Variants in UNC13A observed in about 807,000 individuals in gnomAD.
UNC13A encodes the protein unc-13 homolog A.
UNC13A carries 61 observed loss-of-function variants against 219.7 expected under a neutral mutation model. The observed-to-expected ratio is 0.28, with a 90% CI of 0.23 to 0.34. The LOEUF (loss-of-function observed/expected upper bound fraction) is 0.34. Ranked by LOEUF, UNC13A falls within the 10% of genes least tolerant of loss-of-function variation. The pLI is 1.00. For missense variants in UNC13A, 1,476 were observed against 2,270.3 expected, an observed-to-expected ratio of 0.65 and a Z score of 7.11; for synonymous variants, 920 against 884.6, an observed-to-expected ratio of 1.04 and a Z score of -0.71.
Position 17,645,906 on chromosome 19 carries a change from G to T in UNC13A, c.2187-63C>A, listed in dbSNP as rs949954087. ...AGCCAGTGTGAGTCCTGTCCTTGGAGCCCTCTTTTGGCTGCCCCAGCAGGA... is the reference window on the plus strand; with the variant it reads ...AGCCAGTGTGAGTCCTGTCCTTGGATCCCTCTTTTGGCTGCCCCAGCAGGA... On this transcript the variant is annotated intron_variant, in intron 18 of 43. Transcript: ENST00000519716. 4 of 1,594,538 alleles carry T rather than the reference G, an allele frequency of 2.5e-6. No individual in the cohort carries two copies. In the African/African-American group the frequency reaches 5.4e-5, roughly 21 times the overall value.
At chr19:17,648,340 C>T (rs1445557155) in intron 16 of UNC13A, 91 bp downstream of exon 16, 23 of 1,287,936 alleles carry the variant, frequency 1.8e-5, no homozygotes, top group Admixed American at 6.1e-5. Context: ...GGTGCCCCAC[C>T]CATCGCCTTG....
At chr19:17,639,006 G>T in intron 25 of UNC13A, 77 bp downstream of exon 25, 1 of 1,450,370 alleles carries the variant, frequency 6.9e-7, no homozygotes, top group South Asian at 1.6e-5. Flanking sequence ...TAAATCCCTC[G>T]GGAAGGGGCA....
At chr19:17,641,342 C>T in intron 21 of UNC13A, 51 bp downstream of exon 21, 4 of 1,595,158 alleles carry the variant, frequency 2.5e-6, no homozygotes, top group Non-Finnish European at 3.4e-6. Context: ...CCTGCCAGTG[C>T]CCACTTGGTG....
chr19:17,657,266 C>T (rs1028615606), intron 9 of UNC13A, among the ~76,000 whole-genome samples: 4 of 152,178 alleles, frequency 2.6e-5, no homozygotes, highest in African/African-American at 4.8e-5. Flanking sequence ...ATTCCGGCCA[C>T]GCTGGCCACC....
chr19:17,660,054 C>A (rs2079524969), intron 8 of UNC13A, among the ~76,000 whole-genome samples: 1 of 152,120 alleles, frequency 6.6e-6, no homozygotes, highest in Non-Finnish European at 1.5e-5. Flanking sequence ...CACCACCACA[C>A]CCAGCTAATT....
At chr19:17,634,949 C>A (rs2076897595) in intron 26 of UNC13A, among the ~76,000 whole-genome samples, 1 of 152,124 alleles carries the variant, frequency 6.6e-6, no homozygotes, top group Admixed American at 6.5e-5. Context: ...CGGCTCACTG[C>A]AAGCTCCACC....
intron 40 of UNC13A, 53 bp from the exon 41 acceptor site, chr19:17,617,902 C>G: frequency 6.2e-7 from 1 of 1,605,548 alleles, no homozygotes. Context: ...TCTACCCACT[C>G]ATAGGGCTGG....
At position 17,688,348 on chromosome 19, in the gene UNC13A, C is replaced by CGG. The variant is rs2080155678; in HGVS notation, c.-151_-150dup. ...GCCACCGGCCATCTTGGTTCAGCAC[C>CGG]GGGGGCGCGGACAGCGCCTGACGTG... is the stretch of plus-strand genomic sequence containing the variant. On this transcript the variant is annotated 5_prime_UTR_variant, in exon 1 of 44. Coordinates refer to ENST00000519716, the MANE Select transcript of UNC13A (RefSeq NM_001080421.3). The CGG allele has an allele frequency of 3.4e-6, 4 of 1,168,062 alleles. No homozygotes were observed. The highest frequency in any genetic ancestry group is 5.2e-5 in the Admixed American group (1 of 19,182). 72.4% of individuals were successfully genotyped at this position (1,168,062 alleles called of 1,614,324 possible). A position where few individuals can be genotyped will look rare whatever the true frequency, so the allele number is the denominator to read the frequency against.
Position 17,645,586 on chromosome 19 carries a change from A to C in UNC13A, c.2356+88T>G, listed in dbSNP as rs1175110061. On this transcript the variant is annotated intron_variant, in intron 19 of 43. Coordinates refer to ENST00000519716, the MANE Select transcript of UNC13A (RefSeq NM_001080421.3). ...CTCCTCGACCAAACTCCTCCTGAGA[A>C]CACATCTCTCTGCTCTTCGTGGGCT... The C allele has an allele frequency of 5.8e-6, 9 of 1,559,752 alleles. No homozygotes were observed. In the East Asian group the frequency reaches 2.0e-4, roughly 35 times the overall value.
chr19:17,621,954 G>T (rs1252765936), intron 36 of UNC13A, 84 bp from the exon 37 acceptor site: 2 of 1,400,582 alleles, frequency 1.4e-6, no homozygotes, highest in Non-Finnish European at 2.0e-6. Context: ...TATTCATGGG[G>T]ATGGGGGAAT....
At chr19:17,631,536 G>C (rs1284877582) in intron 28 of UNC13A, among the ~76,000 whole-genome samples, 1 of 151,728 alleles carries the variant, frequency 6.6e-6, no homozygotes, top group Admixed American at 6.6e-5. Context: ...CAGAGCTTTC[G>C]TTTCTTGTAC....
At chr19:17,662,975 G>GCTTGC (rs1485379375) in intron 8 of UNC13A, among the ~76,000 whole-genome samples, 2 of 151,866 alleles carry the variant, frequency 1.3e-5, no homozygotes, top group Non-Finnish European at 2.9e-5. Context: ...GGAGGGGGTG[G>GCTTGC]CTTGCCTTAT....
chr19:17,686,311 C>CA (rs1568278813), intron 1 of UNC13A, among the ~76,000 whole-genome samples: 1 of 108,786 alleles, frequency 9.2e-6, no homozygotes, highest in Non-Finnish European at 2.1e-5. Flanking sequence ...CCCCCCCCCC[C>CA]CCCCCCACTC....
intron 25 of UNC13A, among the ~76,000 whole-genome samples, chr19:17,637,167 G>T (rs2076920569): frequency 6.6e-6 from 1 of 151,864 alleles, no homozygotes; most frequent in Non-Finnish European, 1.5e-5. Flanking sequence ...CAAAGATAGG[G>T]TCTCGCTATG....
In UNC13A at chr19:17,627,963, G is replaced by A. The variant is rs1435530330; in HGVS notation, c.3754-23C>T. On this transcript the variant is annotated intron_variant, in intron 31 of 43. Coordinates refer to ENST00000519716, the MANE Select transcript of UNC13A (RefSeq NM_001080421.3). This position sits in a 1 kb window ranked among gnomAD's most constrained non-coding sequence, Gnocchi z 4.7. The stretch of plus-strand genomic sequence containing the variant: ...GGGCTGTGGGTGGGAACAGAGAGGG[G>A]AGTCAAGCCTCAGGACCTCTCCCCA... The A allele has an allele frequency of 1.9e-6, 3 of 1,573,980 alleles. No homozygotes were observed. Among genetic ancestry groups the A allele is most frequent in the African/African-American group, 2.7e-5 (2 of 74,176 alleles).
chr19:17,609,853 G>A, intron 43 of UNC13A, 87 bp downstream of exon 43: 1 of 1,575,176 alleles, frequency 6.3e-7, no homozygotes, highest in Non-Finnish European at 8.6e-7. Flanking sequence ...CCAGATTCCA[G>A]ATACCTCCTG....
intron 9 of UNC13A, among the ~76,000 whole-genome samples, chr19:17,657,617 T>A (rs2079480706): frequency 6.6e-6 from 1 of 152,230 alleles, no homozygotes; most frequent in African/African-American, 2.4e-5. Context: ...CCTGAGACCC[T>A]CTTCCCTGGC....
intron 12 of UNC13A, among the ~76,000 whole-genome samples, chr19:17,651,463 C>T (rs552547704): frequency 3.7e-4 from 56 of 152,218 alleles, no homozygotes; most frequent in African/African-American, 1.2e-3. Flanking sequence ...TGACGTCAGG[C>T]GATCCACCTG....
intron 12 of UNC13A, among the ~76,000 whole-genome samples, chr19:17,650,888 T>C (rs963782076): frequency 3.3e-5 from 5 of 150,304 alleles, no homozygotes. Flanking sequence ...CACCTTAGCC[T>C]CCTGAGTAGC....
Sources: gnomAD v4.1 joint callset for allele counts (sites outside exome capture counted in the v4.1 genomes callset) on GRCh38, gnomAD v4.1.1 for gene constraint, Gnocchi (gnomAD v3.1) non-coding constraint, MANE v1.5 for transcripts, NCBI Gene and HGNC (gene_info 2026-07-23, HGNC 2026-07-21) for gene names.